Variants in DCPS observed in about 807,000 individuals in gnomAD.
The protein encoded by DCPS is decapping enzyme, scavenger, also known as m7GpppX diphosphatase.
DCPS carries 27 observed loss-of-function variants against 34.7 expected under a neutral mutation model. The observed-to-expected ratio is 0.78, with a 90% confidence interval of 0.57 to 1.07. The LOEUF (loss-of-function observed/expected upper bound fraction) is 1.07. DCPS is among the 50% of genes least tolerant of loss of function. The probability of loss-of-function intolerance (pLI) is 0.00; values close to 1 mark genes in which losing one functional copy is unlikely to be tolerated. For synonymous variants in DCPS, 185 were observed against 185.7 expected (o/e 1.00, Z 0.03); for missense variants, 464 against 436.9 (o/e 1.06, Z -0.55).
Position 126,336,499 on chromosome 11 carries a change from G to A in DCPS, c.523-1787G>A, listed in dbSNP as rs1951833381. The A allele has an allele frequency of 6.6e-6, 1 of 152,240 alleles. No individual in the cohort carries two copies. Among genetic ancestry groups the A allele is most frequent in the South Asian group, 2.1e-4 (1 of 4,832 alleles). 9.4% of individuals were successfully genotyped at this position (152,240 alleles called of 1,614,324 possible). ...ATCAGTCGCTCACCCAGTGACAGCT[G>A]GGAGATGAAACCAGGTCTCCTTGGC... On this transcript the variant is annotated intron_variant, in intron 3 of 5. Coordinates refer to ENST00000263579, the MANE Select transcript of DCPS (RefSeq NM_014026.6). The surrounding 1 kb of genome is among the most constrained non-coding windows in gnomAD (Gnocchi z 6.3).
In DCPS at chr11:126,334,633, C is replaced by T. The variant is rs961710916; in HGVS notation, c.522+3083C>T. 5.9e-5 allele frequency among the ~76,000 whole-genome samples: 9 copies of T among 152,264 alleles called. No individual in the cohort carries two copies. The highest frequency in any genetic ancestry group is 3.9e-4 in the East Asian group (2 of 5,174). On this transcript the variant is annotated intron_variant, in intron 3 of 5. Coordinates refer to ENST00000263579, the MANE Select transcript of DCPS (RefSeq NM_014026.6). The surrounding 1 kb of genome is among the most constrained non-coding windows in gnomAD (Gnocchi z 5.5). Reference sequence around the variant, plus strand: ...TGCTGGGATTACAGGTGTGAGCCACCGCACCCAGCCTCACACCTCATTTAT... The same window carrying T: ...TGCTGGGATTACAGGTGTGAGCCACTGCACCCAGCCTCACACCTCATTTAT...
At position 126,329,817 on chromosome 11, in the gene DCPS, C is replaced by T. The variant is rs572885254; in HGVS notation, c.377-1588C>T. ...AAAGTATAGGTTGATAGTTCTTAGCCGGGTTTTGCGGTGTGTGAGTGAGTA... is the reference window on the plus strand; with the variant it reads ...AAAGTATAGGTTGATAGTTCTTAGCTGGGTTTTGCGGTGTGTGAGTGAGTA... On this transcript the variant is annotated intron_variant, in intron 2 of 5. Transcript: ENST00000263579. The surrounding 1 kb of genome is among the most constrained non-coding windows in gnomAD (Gnocchi z 5.0). Among the ~76,000 whole-genome samples, 20 of 152,202 alleles carry T rather than the reference C, an allele frequency of 1.3e-4. No homozygotes were observed. Among genetic ancestry groups the T allele is most frequent in the Non-Finnish European group, 2.2e-4 (15 of 68,010 alleles).
In DCPS at chr11:126,322,398, G is replaced by A. The variant is rs240558; in HGVS notation, c.377-9007G>A. On this transcript the variant is annotated intron_variant, in intron 2 of 5. Transcript: ENST00000263579. The surrounding 1 kb of genome is among the most constrained non-coding windows in gnomAD (Gnocchi z 4.2). ...CCTGTCTCATTCTCTCTAGTAGCTGGGATTACAGGCGCACACCACCACGCC... is the reference window on the plus strand; with the variant it reads ...CCTGTCTCATTCTCTCTAGTAGCTGAGATTACAGGCGCACACCACCACGCC... Among the ~76,000 whole-genome samples the A allele has an allele frequency of 0.19, 29,199 of 151,862 alleles. 3,878 individuals are homozygous for A. Among genetic ancestry groups the A allele is most frequent in the East Asian group, 0.65 (3,336 of 5,140 alleles).
At position 126,334,636 on chromosome 11, in the gene DCPS, A is replaced by G. The variant is rs555223694; in HGVS notation, c.522+3086A>G. Among the ~76,000 whole-genome samples, 58 of 152,036 alleles carry G rather than the reference A, an allele frequency of 3.8e-4. No individual in the cohort carries two copies. Among genetic ancestry groups the G allele is most frequent in the Non-Finnish European group, 7.5e-4 (51 of 67,944 alleles). Reference sequence around the variant, plus strand: ...TGGGATTACAGGTGTGAGCCACCGCACCCAGCCTCACACCTCATTTATTCT... The same window carrying G: ...TGGGATTACAGGTGTGAGCCACCGCGCCCAGCCTCACACCTCATTTATTCT... On this transcript the variant is annotated intron_variant, in intron 3 of 5. Coordinates refer to ENST00000263579, the MANE Select transcript of DCPS (RefSeq NM_014026.6). This position sits in a 1 kb window ranked among gnomAD's most constrained non-coding sequence, Gnocchi z 5.5.
Position 126,331,257 on chromosome 11 carries a change from G to C in DCPS, c.377-148G>C. ...ATGCAGTGGCACAAGGCACTCTGTG[G>C]GAGTGGATCTTGGGTGCATGATCCT... On this transcript the variant is annotated intron_variant, in intron 2 of 5. Coordinates refer to ENST00000263579, the MANE Select transcript of DCPS (RefSeq NM_014026.6). The surrounding 1 kb of genome is among the most constrained non-coding windows in gnomAD (Gnocchi z 7.2). 1 of 1,135,344 alleles carries C rather than the reference G, an allele frequency of 8.8e-7. No homozygotes were observed. Among genetic ancestry groups the C allele is most frequent in the Admixed American group, 2.2e-5 (1 of 45,532 alleles). The allele number at this position is 1,135,344 out of a possible 1,614,324, so 70.3% of individuals were successfully genotyped here.
At position 126,329,329 on chromosome 11, in the gene DCPS, T is replaced by A. The variant is rs1688855846; in HGVS notation, c.377-2076T>A. On this transcript the variant is annotated intron_variant, in intron 2 of 5. Coordinates refer to ENST00000263579, the MANE Select transcript of DCPS (RefSeq NM_014026.6). This position sits in a 1 kb window ranked among gnomAD's most constrained non-coding sequence, Gnocchi z 5.0. The stretch of plus-strand genomic sequence containing the variant: ...GTGACATTTATTTAGCAACTCGTGA[T>A]CCAGCTGACACGTTTTATTGAATGT... Among the ~76,000 whole-genome samples the A allele has an allele frequency of 6.6e-6, 1 of 152,230 alleles. No homozygotes were observed. Among genetic ancestry groups the A allele is most frequent in the Non-Finnish European group, 1.5e-5 (1 of 68,050 alleles).
rs924280427 is a variant in DCPS at position 126,346,872 on chromosome 11, G to A, written c.*1259G>A. ...CCTGCTGTGGACCCCCATGGTCCTG[G>A]GAGAGACTCCTTAGAAACAGCAGAA... On this transcript the variant is annotated 3_prime_UTR_variant, in exon 6 of 6. Transcript: ENST00000263579. This position sits in a 1 kb window ranked among gnomAD's most constrained non-coding sequence, Gnocchi z 4.1. Among the ~76,000 whole-genome samples the A allele has an allele frequency of 9.2e-5, 14 of 152,074 alleles. No individual in the cohort carries two copies. The highest frequency in any genetic ancestry group is 9.2e-4 in the Admixed American group (14 of 15,280).
rs975157649 is a variant in DCPS at position 126,319,281 on chromosome 11, C to G, written c.377-12124C>G. Among the ~76,000 whole-genome samples, 5 of 152,238 alleles carry G rather than the reference C, an allele frequency of 3.3e-5. No homozygotes were observed. The East Asian group carries it at 7.7e-4, about 24-fold the overall frequency. On this transcript the variant is annotated intron_variant, in intron 2 of 5. Coordinates refer to ENST00000263579, the MANE Select transcript of DCPS (RefSeq NM_014026.6). The surrounding 1 kb of genome is among the most constrained non-coding windows in gnomAD (Gnocchi z 4.5). ...GGACTTCCCCCTTCATGCCTCCCAC[C>G]CCATAATCTAACACTGCTATACTTG...
At chr11:126,340,245 G>C (rs1028355019) in intron 4 of DCPS, among the ~76,000 whole-genome samples, 2 of 152,234 alleles carry the variant, frequency 1.3e-5, no homozygotes, top group African/African-American at 2.4e-5. Context: ...TTGTCCTCAA[G>C]GGTCATGAAA....
chr11:126,319,204 C>T lies in DCPS; in HGVS notation c.377-12201C>T, dbSNP rs1246654727. On this transcript the variant is annotated intron_variant, in intron 2 of 5. Coordinates refer to ENST00000263579, the MANE Select transcript of DCPS (RefSeq NM_014026.6). The surrounding 1 kb of genome is among the most constrained non-coding windows in gnomAD (Gnocchi z 4.5). ...ACTATCATCATTCTCGCCGCTAGAA[C>T]ATCCTGTAGATGAAGAGCTGCTGCC... is the stretch of plus-strand genomic sequence containing the variant. Among the ~76,000 whole-genome samples, 1 of 152,066 alleles carries T rather than the reference C, an allele frequency of 6.6e-6. No individual in the cohort carries two copies. Among genetic ancestry groups the T allele is most frequent in the Non-Finnish European group, 1.5e-5 (1 of 68,024 alleles).
Position 126,333,902 on chromosome 11 carries a change from G to A in DCPS, c.522+2352G>A, listed in dbSNP as rs1213235498. Among the ~76,000 whole-genome samples the A allele has an allele frequency of 6.6e-6, 1 of 151,578 alleles. No individual in the cohort carries two copies. Among genetic ancestry groups the A allele is most frequent in the Non-Finnish European group, 1.5e-5 (1 of 67,920 alleles). On this transcript the variant is annotated intron_variant, in intron 3 of 5. Transcript: ENST00000263579. This position sits in a 1 kb window ranked among gnomAD's most constrained non-coding sequence, Gnocchi z 5.7. ...CTCTCTCTCTCTCTCTGATATTTCT[G>A]ACAACCATCAGATGTGAGAACAGTT...
rs1274578660 is a variant in DCPS, at chr11:126,331,611, G to A, written c.522+61G>A. The A allele has an allele frequency of 5.0e-6, 8 of 1,591,590 alleles. No homozygotes were observed. In the African/African-American group the frequency reaches 5.4e-5, roughly 11 times the overall value. On this transcript the variant is annotated intron_variant, in intron 3 of 5. Coordinates refer to ENST00000263579, the MANE Select transcript of DCPS (RefSeq NM_014026.6). This position sits in a 1 kb window ranked among gnomAD's most constrained non-coding sequence, Gnocchi z 7.2. The stretch of plus-strand genomic sequence containing the variant: ...TCCCGTGGCTGGTGCCTCCTCTTAC[G>A]AGTGTCTATTGGGGTCATATTAGGG...
rs965313245 is a variant in DCPS at position 126,333,945 on chromosome 11, T to A, written c.522+2395T>A. 6.6e-6 allele frequency among the ~76,000 whole-genome samples: 1 copy of A among 152,002 alleles called. No homozygotes were observed. Among genetic ancestry groups the A allele is most frequent in the Non-Finnish European group, 1.5e-5 (1 of 68,010 alleles). On this transcript the variant is annotated intron_variant, in intron 3 of 5. Transcript: ENST00000263579. The surrounding 1 kb of genome is among the most constrained non-coding windows in gnomAD (Gnocchi z 5.7). ...GAACAGTTGCCATAGGCAGTGAGGG[T>A]GCCCTAAACGGTTTTAAGCATGTGG...
rs1264869015 is a variant in DCPS at position 126,315,649 on chromosome 11, CA to C, written c.376+8906del. ...GGCCATATTAATATGCATGCTCAAC[CA>C]GAGTGCTAAGTTTCTAGTTTTTCCT... is the stretch of plus-strand genomic sequence containing the variant. On this transcript the variant is annotated intron_variant, in intron 2 of 5. Coordinates refer to ENST00000263579, the MANE Select transcript of DCPS (RefSeq NM_014026.6). The surrounding 1 kb of genome is among the most constrained non-coding windows in gnomAD (Gnocchi z 6.1). Among the ~76,000 whole-genome samples, 1 of 152,034 alleles carries C rather than the reference CA, an allele frequency of 6.6e-6. No individual in the cohort carries two copies. The highest frequency in any genetic ancestry group is 2.4e-5 in the African/African-American group (1 of 41,330).
rs1356251165 is a variant in DCPS at position 126,323,852 on chromosome 11, A to AC, written c.377-7553_377-7552insC. 2.0e-5 allele frequency among the ~76,000 whole-genome samples: 3 copies of AC among 151,836 alleles called. No homozygotes were observed. Among genetic ancestry groups the AC allele is most frequent in the African/African-American group, 7.3e-5 (3 of 41,312 alleles). On this transcript the variant is annotated intron_variant, in intron 2 of 5. Coordinates refer to ENST00000263579, the MANE Select transcript of DCPS (RefSeq NM_014026.6). This position sits in a 1 kb window ranked among gnomAD's most constrained non-coding sequence, Gnocchi z 4.4. ...GTTGTTTTTTTGTTTGTTTTTTGAGATGGTGTCTTGCTCTGTTGCCCAGAC... is the reference window on the plus strand; with the variant it reads ...GTTGTTTTTTTGTTTGTTTTTTGAGACTGGTGTCTTGCTCTGTTGCCCAGAC...
intron 5 of DCPS, among the ~76,000 whole-genome samples, chr11:126,343,748 C>T (rs920597922): frequency 1.6e-4 from 24 of 152,304 alleles, no homozygotes; most frequent in African/African-American, 5.5e-4. Context: ...CCATGACAAC[C>T]ACATCATGCC....
rs528939857 is a variant in DCPS, at chr11:126,316,004, C to T, written c.376+9260C>T. 2.2e-4 allele frequency among the ~76,000 whole-genome samples: 34 copies of T among 152,162 alleles called. 1 individual carries two copies. The South Asian group carries it at 6.4e-3, about 29-fold the overall frequency. Reference sequence around the variant, plus strand: ...CTGGGATTACAGATGTGAGTCACCACGCCTGGCTGGAGAGTGCTTTTGATG... The same window carrying T: ...CTGGGATTACAGATGTGAGTCACCATGCCTGGCTGGAGAGTGCTTTTGATG... On this transcript the variant is annotated intron_variant, in intron 2 of 5. Transcript: ENST00000263579.
rs187319147 is a variant in DCPS, at chr11:126,343,247, T to C, written c.637-60T>C. On this transcript the variant is annotated intron_variant, in intron 4 of 5. Transcript: ENST00000263579. ...CCTGGCTTACGTGAGAACTCCAGGG[T>C]TGGCAGCCTCCCCAGGTCTGTTCCC... 41 of 1,445,114 alleles carry C rather than the reference T, an allele frequency of 2.8e-5. No individual in the cohort carries two copies. The African/African-American group carries it at 4.5e-4, about 16-fold the overall frequency. 89.5% of individuals were successfully genotyped at this position (1,445,114 alleles called of 1,614,324 possible). A position where few individuals can be genotyped will look rare whatever the true frequency, so the allele number is the denominator to read the frequency against.
rs1951966541 is a variant in DCPS at position 126,349,227 on chromosome 11, T to A, written c.*3614T>A. Among the ~76,000 whole-genome samples the A allele has an allele frequency of 6.6e-6, 1 of 152,230 alleles. No individual in the cohort carries two copies. Among genetic ancestry groups the A allele is most frequent in the African/African-American group, 2.4e-5 (1 of 41,460 alleles). Reference sequence around the variant, plus strand: ...GCAAATGCCAGCCCCTCTGGCAGCATGACACCTTGGTCCTGTGTGCTGCAG... The same window carrying A: ...GCAAATGCCAGCCCCTCTGGCAGCAAGACACCTTGGTCCTGTGTGCTGCAG... On this transcript the variant is annotated 3_prime_UTR_variant, in exon 6 of 6. Coordinates refer to ENST00000263579, the MANE Select transcript of DCPS (RefSeq NM_014026.6). The surrounding 1 kb of genome is among the most constrained non-coding windows in gnomAD (Gnocchi z 5.4).
Sources: allele counts gnomAD v4.1 joint callset (sites outside exome capture counted in the v4.1 genomes callset), GRCh38; gene constraint gnomAD v4.1.1; non-coding constraint Gnocchi (gnomAD v3.1); transcripts MANE v1.5; gene names NCBI Gene and HGNC (gene_info 2026-07-23, HGNC 2026-07-21).